Variants in PADI1 observed in about 807,000 individuals in gnomAD.
PADI1 encodes the protein protein-arginine deiminase type-1.
PADI1 carries 65 observed loss-of-function variants against 74.8 expected under a neutral mutation model. The observed-to-expected ratio is 0.87, with a 90% confidence interval of 0.71 to 1.07. PADI1 has a LOEUF of 1.07. Among genes scored for constraint, PADI1 ranks in the 50% least tolerant of loss-of-function variants. The pLI, the probability that PADI1 is intolerant of heterozygous loss-of-function variation, is 0.00. For missense variants in PADI1, 943 were observed against 854.0 expected (o/e 1.10, Z -1.30); for synonymous variants, 371 against 336.2 (o/e 1.10, Z -1.13).
At chr1:17,212,755 G>A (rs1037172744) in intron 1 of PADI1, among the ~76,000 whole-genome samples, 3 of 152,176 alleles carry the variant, frequency 2.0e-5, no homozygotes, top group Admixed American at 6.5e-5. Context: ...TCCAAGGCCC[G>A]TCTCTGACCC....
intron 12 of PADI1, 102 bp downstream of exon 12, chr1:17,237,560 G>C (rs542949650): frequency 1.7e-6 from 2 of 1,158,788 alleles, no homozygotes; most frequent in East Asian, 2.8e-5. Flanking sequence ...CCTGTGCCCC[G>C]AGTAAGCTCT....
chr1:17,206,126 C>A (rs1361405271), intron 1 of PADI1, among the ~76,000 whole-genome samples: 3 of 152,148 alleles, frequency 2.0e-5, no homozygotes, highest in African/African-American at 7.2e-5. Context: ...GGATTCCATC[C>A]CTGCTGGAGC....
At chr1:17,223,056 C>T (rs1298641003) in intron 2 of PADI1, among the ~76,000 whole-genome samples, 1 of 152,156 alleles carries the variant, frequency 6.6e-6, no homozygotes, top group Non-Finnish European at 1.5e-5. Flanking sequence ...TGGGCTCAGA[C>T]CCCACCTCCT....
chr1:17,234,051 A>G (rs1003507200), intron 11 of PADI1, among the ~76,000 whole-genome samples: 4 of 152,174 alleles, frequency 2.6e-5, no homozygotes, highest in African/African-American at 9.7e-5. Flanking sequence ...TCTCTAACTC[A>G]GGGAGGAACC....
At chr1:17,205,444 C>A in intron 1 of PADI1, 135 bp downstream of exon 1, 1 of 721,894 alleles carries the variant, frequency 1.4e-6, no homozygotes, top group Non-Finnish European at 2.4e-6. Flanking sequence ...GTGGAGTTGG[C>A]TGTGGAGTCT....
rs765273199 is a variant in PADI1 at position 17,228,942 on chromosome 1, C to G, written c.826-6C>G. 4.4e-6 allele frequency: 7 copies of G among 1,595,516 alleles called. No individual in the cohort carries two copies. The East Asian group carries it at 1.6e-4, about 36-fold the overall frequency. Reference sequence around the variant, plus strand: ...AGGGCCCACCAAGTCCTCATTTTCCCCTCAGACCCTGCCCGAGGTGACCCT... The same window carrying G: ...AGGGCCCACCAAGTCCTCATTTTCCGCTCAGACCCTGCCCGAGGTGACCCT... On this transcript the variant is annotated splice_polypyrimidine_tract_variant and splice_region_variant and intron_variant, in intron 7 of 15. Coordinates refer to ENST00000375471, the MANE Select transcript of PADI1 (RefSeq NM_013358.3).
chr1:17,228,664 C>T lies in PADI1; in HGVS notation c.692C>T (p.Pro231Leu), dbSNP rs1219977243. 5.6e-6 allele frequency: 9 copies of T among 1,614,078 alleles called. No individual in the cohort carries two copies. Among genetic ancestry groups the T allele is most frequent in the African/African-American group, 1.3e-5 (1 of 74,922 alleles). Residue 231 changes from proline (P) to leucine (L), a missense_variant, in exon 7 of 16, where the codon CCC becomes CTC. Pro to Leu is a moderately conservative substitution (Grantham distance 98). Coordinates refer to ENST00000375471, the MANE Select transcript of PADI1 (RefSeq NM_013358.3). ...SLSDYKQVLG[P>L]QCLSYEVERQ... ...TCGGACTACAAACAGGTGCTGGGGC[C>T]CCAGTGTCTGTCCTATGAAGTTGAG... is the stretch of plus-strand genomic sequence containing the variant.
intron 10 of PADI1, among the ~76,000 whole-genome samples, chr1:17,231,831 G>A (rs1008846029): frequency 6.6e-6 from 1 of 151,898 alleles, no homozygotes; most frequent in African/African-American, 2.4e-5. Context: ...CCATGTTGGT[G>A]TGCTGCACCC....
chr1:17,229,950 T>G, intron 8 of PADI1, 135 bp from the exon 9 acceptor site: 1 of 759,312 alleles, frequency 1.3e-6, no homozygotes. Flanking sequence ...CATGCGCCTA[T>G]GAGCCTCTCA....
intron 1 of PADI1, among the ~76,000 whole-genome samples, chr1:17,214,331 C>A (rs892695124): frequency 1.3e-5 from 2 of 152,138 alleles, no homozygotes; most frequent in South Asian, 4.1e-4. Context: ...ATGCAAAAGA[C>A]CCCCCTGCCC....
chr1:17,240,016 G>T (rs1437220493), intron 14 of PADI1: 1 of 521,434 alleles, frequency 1.9e-6, no homozygotes, highest in Non-Finnish European at 3.5e-6. Context: ...CCGGCCCCAC[G>T]CTGGGGCAAT....
intron 1 of PADI1, among the ~76,000 whole-genome samples, chr1:17,216,636 C>T (rs560238641): frequency 6.6e-5 from 10 of 152,240 alleles, no homozygotes; most frequent in East Asian, 1.9e-4. Flanking sequence ...TGTGGGAGGC[C>T]GAGGTTGGCA....
At chr1:17,240,459 G>C in intron 14 of PADI1, 176 bp from the exon 15 acceptor site, 1 of 626,034 alleles carries the variant, frequency 1.6e-6, no homozygotes, top group South Asian at 2.3e-5. Flanking sequence ...ACTTGAGCAG[G>C]TTGCCTGAGC....
At chr1:17,211,131 G>A (rs555323901) in intron 1 of PADI1, among the ~76,000 whole-genome samples, 23 of 152,312 alleles carry the variant, frequency 1.5e-4, no homozygotes, top group Non-Finnish European at 2.1e-4. Flanking sequence ...TCTTTTGTCC[G>A]GGTCTGCCCA....
intron 1 of PADI1, among the ~76,000 whole-genome samples, chr1:17,206,674 T>TGTC (rs2071690134): frequency 7.7e-6 from 1 of 129,716 alleles, no homozygotes; most frequent in African/African-American, 3.5e-5. Context: ...AAGTCTTTTT[T>TGTC]TTCTTTTTCT....
At chr1:17,209,579 T>C (rs1297639716) in intron 1 of PADI1, among the ~76,000 whole-genome samples, 1 of 152,080 alleles carries the variant, frequency 6.6e-6, no homozygotes, top group Admixed American at 6.6e-5. Flanking sequence ...GCTGGGAATC[T>C]CTCCCCCTCC....
Position 17,226,112 on chromosome 1 carries a change from C to T in PADI1, c.606C>T (p.Asn202=), listed in dbSNP as rs1319925876. ...TCGACAGCCACAAGCTTGTCTTGAACGTGCCCTTTTCTGATTCCAAAAGAG... is the reference window on the plus strand; with the variant it reads ...TCGACAGCCACAAGCTTGTCTTGAATGTGCCCTTTTCTGATTCCAAAAGAG... ...KLFDSHKLVL[N]VPFSDSKRVR... is the part of the protein sequence containing the mutation. Residue 202 remains asparagine (N), a synonymous_variant, in exon 6 of 16, where the codon AAC becomes AAT. Coordinates refer to ENST00000375471, the MANE Select transcript of PADI1 (RefSeq NM_013358.3). The T allele has an allele frequency of 6.8e-6, 11 of 1,614,100 alleles. No individual in the cohort carries two copies. The highest frequency in any genetic ancestry group is 3.3e-5 in the Admixed American group (2 of 60,002).
At chr1:17,225,480 T>C (rs2100460624) in intron 4 of PADI1, among the ~76,000 whole-genome samples, 1 of 152,274 alleles carries the variant, frequency 6.6e-6, no homozygotes, top group East Asian at 1.9e-4. Flanking sequence ...AGGCAGCCTC[T>C]GCCCACCCCC....
chr1:17,224,222 C>T (rs2072244961), intron 3 of PADI1, 145 bp from the exon 4 acceptor site: 1 of 687,188 alleles, frequency 1.5e-6, no homozygotes, highest in African/African-American at 1.8e-5. Context: ...CCACAGAGGT[C>T]TCCCAAGTGT....
Sources: gnomAD v4.1 joint callset for allele counts (sites outside exome capture counted in the v4.1 genomes callset) on GRCh38, gnomAD v4.1.1 for gene constraint, MANE v1.5 for transcripts, NCBI Gene and HGNC (gene_info 2026-07-23, HGNC 2026-07-21) for gene names.